ERLEC1: variants seen among roughly 807,000 people sequenced by gnomAD.
The protein encoded by ERLEC1 is ER lectin.
ERLEC1 carries 47 observed loss-of-function variants against 68.0 expected under a neutral mutation model. The ratio of observed to expected loss-of-function variants is 0.69; its 90% CI spans 0.55 to 0.88. The LOEUF is 0.88. ERLEC1 is among the 40% of genes least tolerant of loss of function. The pLI is 0.00. For missense variants in ERLEC1, 567 were observed against 583.8 expected, an observed-to-expected ratio of 0.97 and a Z score of 0.30; for synonymous variants, 225 against 203.2, an observed-to-expected ratio of 1.11 and a Z score of -0.91.
At chr2:53,795,783 G>T in intron 2 of ERLEC1, 150 bp from the exon 3 acceptor site, 1 of 519,354 alleles carries the variant, frequency 1.9e-6, no homozygotes, top group Non-Finnish European at 3.3e-6. Context: ...GAAAGCAATG[G>T]CGTACCGTAG....
intron 1 of ERLEC1, among the ~76,000 whole-genome samples, chr2:53,789,328 A>C (rs896207535): frequency 1.5e-5 from 2 of 137,880 alleles, no homozygotes; most frequent in African/African-American, 5.5e-5. Flanking sequence ...CGGGAGGTGG[A>C]GGTTGCACTG....
intron 8 of ERLEC1, among the ~76,000 whole-genome samples, chr2:53,807,585 A>G (rs1439189541): frequency 6.6e-6 from 1 of 152,128 alleles, no homozygotes; most frequent in Non-Finnish European, 1.5e-5. Flanking sequence ...TGTAACTAAT[A>G]TTCATATTTA....
rs547655574 is a variant in ERLEC1 at position 53,789,097 on chromosome 2, CA to C, written c.162+1735del. On this transcript the variant is annotated intron_variant, in intron 1 of 13. Transcript: ENST00000185150. ...TTTCACGTATCTAACAATTTTATTT[CA>C]AAAAAAAAATGCTTTGGCCATGTGC... is the stretch of plus-strand genomic sequence containing the variant. Among the ~76,000 whole-genome samples the C allele has an allele frequency of 5.3e-4, 79 of 147,950 alleles. No homozygotes were observed. The South Asian group carries it at 0.014, about 26-fold the overall frequency.
chr2:53,803,355 G>A (rs1009635939), intron 8 of ERLEC1, among the ~76,000 whole-genome samples: 11 of 152,140 alleles, frequency 7.2e-5, no homozygotes, highest in Admixed American at 2.0e-4. Flanking sequence ...TCTGGTCTTC[G>A]TTTTGATAGT....
Position 53,797,506 on chromosome 2 carries a change from C to G in ERLEC1, c.349-9C>G. On this transcript the variant is annotated splice_polypyrimidine_tract_variant and intron_variant, in intron 3 of 13. Transcript: ENST00000185150. ...CTTTTGTGCATTGAAATATATCCAT[C>G]TTTTTTAGATTGAGTCTTATTGGAC... The G allele has an allele frequency of 6.2e-7, 1 of 1,601,636 alleles. No individual in the cohort carries two copies. The highest frequency in any genetic ancestry group is 8.5e-7 in the Non-Finnish European group (1 of 1,173,986).
At chr2:53,810,289 G>A (rs1676521566) in intron 10 of ERLEC1, among the ~76,000 whole-genome samples, 1 of 151,838 alleles carries the variant, frequency 6.6e-6, no homozygotes, top group Admixed American at 6.6e-5. Context: ...GGGCAACATA[G>A]CAAAACCCCA....
chr2:53,815,012 T>TTTG, intron 13 of ERLEC1, 77 bp downstream of exon 13: 1 of 985,984 alleles, frequency 1.0e-6, no homozygotes, highest in Non-Finnish European at 1.5e-6. Context: ...TTTTTTTTTT[T>TTTG]TTTTGTTTTT....
At chr2:53,792,556 G>T (rs1335463882) in intron 1 of ERLEC1, among the ~76,000 whole-genome samples, 1 of 152,152 alleles carries the variant, frequency 6.6e-6, no homozygotes, top group Non-Finnish European at 1.5e-5. Flanking sequence ...TTGTTTTGAG[G>T]ATTAATGAGT....
chr2:53,798,949 T>G (rs1573078018), intron 5 of ERLEC1, 98 bp from the exon 6 acceptor site: 27 of 999,760 alleles, frequency 2.7e-5, no homozygotes, highest in Non-Finnish European at 3.7e-5. Flanking sequence ...GGACCTTCTT[T>G]AGAAAGAAGA....
At position 53,797,581 on chromosome 2, in the gene ERLEC1, G is replaced by A; in HGVS notation, c.415G>A (p.Glu139Lys). 6.2e-7 allele frequency: 1 copy of A among 1,611,952 alleles called. No individual in the cohort carries two copies. The highest frequency in any genetic ancestry group is 8.5e-7 in the Non-Finnish European group (1 of 1,179,324). The part of the protein sequence containing the change: ...KHIRQYHEEK[E>K]TGQKINIHEY... ...CATTCGGCAGTACCATGAAGAGAAA[G>A]AAACTGGTCAGGTGTGTTTTTCTTC... is the stretch of plus-strand genomic sequence containing the variant. Residue 139 changes from glutamate (E) to lysine (K), a missense_variant, in exon 4 of 14, where the codon GAA becomes AAA. Glu to Lys is a moderately conservative substitution (Grantham distance 56). Coordinates refer to ENST00000185150, the MANE Select transcript of ERLEC1 (RefSeq NM_015701.5).
chr2:53,808,467 A>C lies in ERLEC1; in HGVS notation c.1041+7A>C. 6.2e-7 allele frequency: 1 copy of C among 1,612,816 alleles called. No homozygotes were observed. The highest frequency in any genetic ancestry group is 2.2e-5 in the East Asian group (1 of 44,868). On this transcript the variant is annotated splice_region_variant and intron_variant, in intron 9 of 13. Coordinates refer to ENST00000185150, the MANE Select transcript of ERLEC1 (RefSeq NM_015701.5). ...TTCTTACTGCTTTCGTGGGGTGAGA[A>C]GTAAATCTTCAGTTTAAATATTTAT...
intron 1 of ERLEC1, among the ~76,000 whole-genome samples, chr2:53,792,317 C>A (rs1404275399): frequency 6.6e-6 from 1 of 151,554 alleles, no homozygotes; most frequent in Non-Finnish European, 1.5e-5. Context: ...ATCTTACTTA[C>A]AGTGGCTTTT....
At chr2:53,797,686 T>C in intron 4 of ERLEC1, 46 bp from the exon 5 acceptor site, 1 of 1,576,002 alleles carries the variant, frequency 6.3e-7, no homozygotes, top group Non-Finnish European at 8.7e-7. Context: ...CTTAAAAATG[T>C]CTTTGCAAAA....
chr2:53,796,889 C>CTTTTTTTTTT (rs958244464), intron 3 of ERLEC1, among the ~76,000 whole-genome samples: 2 of 117,244 alleles, frequency 1.7e-5, no homozygotes, highest in African/African-American at 3.1e-5. Context: ...TTTTCTTTTT[C>CTTTTTTTTTT]TTTTTTTTTT....
intron 8 of ERLEC1, among the ~76,000 whole-genome samples, chr2:53,802,481 A>G (rs1315626332): frequency 1.3e-5 from 2 of 152,218 alleles, no homozygotes; most frequent in Non-Finnish European, 2.9e-5. Context: ...TCCTGTCATT[A>G]GTTCAGGACT....
chr2:53,801,693 G>T lies in ERLEC1; in HGVS notation c.750-20G>T. 1.9e-6 allele frequency: 3 copies of T among 1,613,890 alleles called. No homozygotes were observed. Among genetic ancestry groups the T allele is most frequent in the Non-Finnish European group, 2.5e-6 (3 of 1,179,862 alleles). On this transcript the variant is annotated intron_variant, in intron 7 of 13. Coordinates refer to ENST00000185150, the MANE Select transcript of ERLEC1 (RefSeq NM_015701.5). The stretch of plus-strand genomic sequence containing the variant: ...AAAGTGTTCTGTGCATAGCTTTAAT[G>T]CTTTGTTCCTACTGAACAGGTTCAG...
At chr2:53,810,636 AT>A (rs1676542718) in intron 10 of ERLEC1, among the ~76,000 whole-genome samples, 2 of 152,242 alleles carry the variant, frequency 1.3e-5, no homozygotes, top group Non-Finnish European at 1.5e-5. Context: ...CCCACTCATA[AT>A]GTTTTGAACT....
chr2:53,787,485 C>A, intron 1 of ERLEC1, 113 bp downstream of exon 1: 3 of 1,301,036 alleles, frequency 2.3e-6, no homozygotes, highest in Non-Finnish European at 3.1e-6. Context: ...CAGACTCTTA[C>A]CTTCCCCAAG....
chr2:53,791,672 T>C (rs1227108978), intron 1 of ERLEC1, among the ~76,000 whole-genome samples: 2 of 152,190 alleles, frequency 1.3e-5, no homozygotes, highest in African/African-American at 4.8e-5. Flanking sequence ...TGAAAGACTA[T>C]TATTTGCATC....
Sources: allele counts gnomAD v4.1 joint callset (sites outside exome capture counted in the v4.1 genomes callset), GRCh38; gene constraint gnomAD v4.1.1; transcripts MANE v1.5; gene names NCBI Gene and HGNC (gene_info 2026-07-23, HGNC 2026-07-21).